The following OLFM3 variants were observed in gnomAD, a reference collection of about 807,000 sequenced individuals.
The protein encoded by OLFM3 is noelin-3.
Under a neutral mutation model 48.6 loss-of-function variants are expected in OLFM3, and 20 were observed. The observed-to-expected ratio is 0.41, with a 90% CI of 0.29 to 0.60. OLFM3 has a LOEUF of 0.60. Among genes scored for constraint, OLFM3 ranks in the 20% least tolerant of loss-of-function variants. The pLI is 0.28. For missense variants in OLFM3, 437 were observed against 544.3 expected (o/e 0.80, Z 1.96); for synonymous variants, 222 against 198.1 (o/e 1.12, Z -1.01).
intron 1 of OLFM3, among the ~76,000 whole-genome samples, chr1:101,941,186 G>T (rs1659784203): frequency 6.6e-6 from 1 of 152,196 alleles, no homozygotes; most frequent in Non-Finnish European, 1.5e-5. Context: ...TCCGAGAACA[G>T]AGCAAATAAA....
rs182788348 is a variant in OLFM3 at position 101,971,335 on chromosome 1, T to C, written c.69+25413A>G. 1.1e-4 allele frequency among the ~76,000 whole-genome samples: 17 copies of C among 152,276 alleles called. No homozygotes were observed. In the East Asian group the frequency reaches 1.4e-3, roughly 12 times the overall value. On this transcript the variant is annotated intron_variant, in intron 1 of 5. Coordinates refer to ENST00000370103, the MANE Select transcript of OLFM3 (RefSeq NM_058170.4). ...GAAGATACTTGGAATAGTTTTTGCA[T>C]TGGAATTTGGGGTGGCCCTACGCTT...
chr1:101,873,613 G>A (rs1380425219), intron 1 of OLFM3, among the ~76,000 whole-genome samples: 2 of 151,626 alleles, frequency 1.3e-5, no homozygotes, highest in Admixed American at 1.3e-4. Context: ...CTATGTGGTA[G>A]ATCTGAGTTT....
intron 1 of OLFM3, 49 bp from the exon 2 acceptor site, chr1:101,837,074 A>G (rs1447219735): frequency 6.5e-7 from 1 of 1,549,642 alleles, no homozygotes; most frequent in Non-Finnish European, 8.8e-7. Context: ...GTTATAGGAT[A>G]AAAAGAGTGT....
At chr1:101,847,444 G>C (rs2100943632) in intron 1 of OLFM3, among the ~76,000 whole-genome samples, 1 of 151,904 alleles carries the variant, frequency 6.6e-6, no homozygotes, top group Non-Finnish European at 1.5e-5. Context: ...GATTTCTCTG[G>C]GCAAGGACAG....
At chr1:101,943,484 G>A (rs1314152623) in intron 1 of OLFM3, among the ~76,000 whole-genome samples, 1 of 152,122 alleles carries the variant, frequency 6.6e-6, no homozygotes, top group Non-Finnish European at 1.5e-5. Flanking sequence ...TATCAATTGA[G>A]TTAAAGCAAT....
At chr1:101,910,185 G>A (rs904891679) in intron 1 of OLFM3, 50 of 974,434 alleles carry the variant, frequency 5.1e-5, no homozygotes, top group Non-Finnish European at 5.7e-5. Context: ...GCACATTCTC[G>A]ACCGGGCGCG....
Position 101,804,686 on chromosome 1 carries a change from T to G in OLFM3, c.929A>C (p.Tyr310Ser), listed in dbSNP as rs774395091. 1.2e-6 allele frequency: 2 copies of G among 1,612,584 alleles called. No individual in the cohort carries two copies. The highest frequency in any genetic ancestry group is 1.7e-6 in the Non-Finnish European group (2 of 1,179,130). The stretch of plus-strand genomic sequence containing the variant: ...GGGGTAAACATTATGAAAACCAGCA[T>G]ACTCCAGGCTTCGTTGGGCAAGCAC... The part of the protein sequence containing the change: ...GRVLAQRSLE[Y>S]AGFHNVYPYT... The change falls in exon 6 of 6, where the codon TAT becomes TCT. Residue 310 changes from tyrosine (Y) to serine (S), a missense_variant. This residue lies in a region of OLFM3 where 314 missense variants were observed against 365.5 expected (regional missense o/e 0.86). Transcript: ENST00000370103. This position sits in a 1 kb window ranked among gnomAD's most constrained non-coding sequence, Gnocchi z 4.5.
intron 1 of OLFM3, among the ~76,000 whole-genome samples, chr1:101,898,396 C>T (rs187330557): frequency 1.8e-4 from 27 of 152,200 alleles, no homozygotes; most frequent in East Asian, 1.5e-3. Context: ...ACAGCTTTAT[C>T]GTGAAGTGTA....
intron 1 of OLFM3, among the ~76,000 whole-genome samples, chr1:101,960,418 A>G (rs1660433282): frequency 6.6e-6 from 1 of 152,188 alleles, no homozygotes; most frequent in Admixed American, 6.5e-5. Context: ...AATCTAGGTC[A>G]AGGGCTCATT....
intron 2 of OLFM3, among the ~76,000 whole-genome samples, chr1:101,834,497 A>G (rs943954147): frequency 3.3e-5 from 5 of 152,188 alleles, no homozygotes; most frequent in African/African-American, 1.2e-4. Flanking sequence ...TGCCTTGGAT[A>G]TATGTGAAAC....
intron 1 of OLFM3, among the ~76,000 whole-genome samples, chr1:101,966,878 G>A (rs1200357860): frequency 6.6e-6 from 1 of 152,112 alleles, no homozygotes; most frequent in African/African-American, 2.4e-5. Context: ...TCTTATATCT[G>A]AGAGTTGGAT....
chr1:101,887,628 G>C (rs1657814452), intron 1 of OLFM3, among the ~76,000 whole-genome samples: 1 of 151,904 alleles, frequency 6.6e-6, no homozygotes, highest in Non-Finnish European at 1.5e-5. Context: ...ATTGTACTTT[G>C]TGTCCAAGTA....
chr1:101,983,613 C>T (rs1019538998), intron 1 of OLFM3, among the ~76,000 whole-genome samples: 1 of 152,188 alleles, frequency 6.6e-6, no homozygotes, highest in Non-Finnish European at 1.5e-5. Context: ...ATAGTCCAGC[C>T]TATCCCATGT....
At chr1:101,836,764 G>C (rs1655434252) in intron 2 of OLFM3, 115 bp downstream of exon 2, 1 of 1,075,238 alleles carries the variant, frequency 9.3e-7, no homozygotes, top group Non-Finnish European at 1.4e-6. Flanking sequence ...GCTTATCTGA[G>C]AAGGGGGACA....
chr1:101,897,599 A>G (rs1658249558), intron 1 of OLFM3, among the ~76,000 whole-genome samples: 2 of 152,192 alleles, frequency 1.3e-5, no homozygotes. Context: ...TCAGTTTGCA[A>G]CCACAAGAAT....
At chr1:101,910,057 T>A (rs781244912) in intron 1 of OLFM3, 46 of 985,328 alleles carry the variant, frequency 4.7e-5, no homozygotes, top group Non-Finnish European at 5.3e-5. Flanking sequence ...ATTCTCCTCC[T>A]CCTGCTTTCC....
intron 1 of OLFM3, among the ~76,000 whole-genome samples, chr1:101,850,198 A>G (rs1416517262): frequency 5.3e-5 from 8 of 152,210 alleles, no homozygotes; most frequent in Non-Finnish European, 1.2e-4. Context: ...TAATCTCACA[A>G]AAAATGTGAC....
intron 1 of OLFM3, among the ~76,000 whole-genome samples, chr1:101,917,624 C>T (rs933452922): frequency 4.6e-5 from 7 of 152,100 alleles, no homozygotes; most frequent in African/African-American, 1.7e-4. Flanking sequence ...ACCATGTTGG[C>T]CAGGCTGGTT....
chr1:101,868,246 C>G (rs1173926211), intron 1 of OLFM3, among the ~76,000 whole-genome samples: 2 of 152,102 alleles, frequency 1.3e-5, no homozygotes, highest in East Asian at 1.9e-4. Context: ...GAAGTTGGAA[C>G]AGTTGGAGGG....
Sources: gnomAD v4.1 joint callset for allele counts (sites outside exome capture counted in the v4.1 genomes callset) on GRCh38, gnomAD v4.1.1 for gene constraint, gnomAD v4.1.1 regional missense constraint, Gnocchi (gnomAD v3.1) non-coding constraint, MANE v1.5 for transcripts, NCBI Gene and HGNC (gene_info 2026-07-23, HGNC 2026-07-21) for gene names.